SCAF8: variants seen among roughly 807,000 people sequenced by gnomAD.
SCAF8 encodes SR-related and CTD-associated factor 8.
SCAF8 carries 23 observed loss-of-function variants against 140.5 expected under a neutral mutation model. The observed-to-expected ratio is 0.16, with a 90% CI of 0.12 to 0.23. The LOEUF (loss-of-function observed/expected upper bound fraction) is 0.23, where lower values mean the gene tolerates loss of function less well. Ranked by LOEUF, SCAF8 falls within the 10% of genes least tolerant of loss-of-function variation. The probability of loss-of-function intolerance (pLI) is 1.00; values close to 1 mark genes in which losing one functional copy is unlikely to be tolerated. For missense variants in SCAF8, 1,397 were observed against 1,555.7 expected (o/e 0.90, Z 1.72); for synonymous variants, 575 against 528.9 (o/e 1.09, Z -1.20).
intron 1 of SCAF8, among the ~76,000 whole-genome samples, chr6:154,738,194 T>G (rs1482364772): frequency 2.1e-5 from 3 of 145,514 alleles, no homozygotes; most frequent in Non-Finnish European, 4.5e-5. Flanking sequence ...AGACTCTGCT[T>G]CAAAAAAAAA....
chr6:154,743,441 G>A (rs1176436205), intron 1 of SCAF8, among the ~76,000 whole-genome samples: 10 of 152,182 alleles, frequency 6.6e-5, no homozygotes, highest in Non-Finnish European at 1.3e-4. Context: ...CTATTCTTAA[G>A]TGGAGACCAA....
chr6:154,819,043 T>C (rs1274902159), intron 14 of SCAF8, among the ~76,000 whole-genome samples: 2 of 151,722 alleles, frequency 1.3e-5, no homozygotes, highest in Non-Finnish European at 2.9e-5. Context: ...AGATTATCTA[T>C]CAGAATATTT....
intron 1 of SCAF8, among the ~76,000 whole-genome samples, chr6:154,746,416 T>A (rs1172989907): frequency 6.6e-6 from 1 of 152,214 alleles, no homozygotes; most frequent in Non-Finnish European, 1.5e-5. Flanking sequence ...AAATTATATA[T>A]ATACATACAT....
rs571961102 is a variant in SCAF8, at chr6:154,752,429, T to G, written c.30+18499T>G. ...TTGAATATTTAAAAAAATCTAATGA[T>G]TTTATAAAGTATTTGGAAAGCTAAA... On this transcript the variant is annotated intron_variant, in intron 1 of 19. Coordinates refer to ENST00000367178, the MANE Select transcript of SCAF8 (RefSeq NM_014892.5). 3.6e-4 allele frequency among the ~76,000 whole-genome samples: 55 copies of G among 152,278 alleles called. 1 individual carries two copies. In the South Asian group the frequency reaches 0.01, roughly 28 times the overall value.
intron 1 of SCAF8, among the ~76,000 whole-genome samples, chr6:154,770,582 GA>G (rs559849102): frequency 0.017 from 2,487 of 146,940 alleles, 27 homozygotes; most frequent in Non-Finnish European, 0.023. Flanking sequence ...TGAAGAAGGA[GA>G]AAAAAAAAAA....
chr6:154,811,339 G>A (rs540229980), intron 12 of SCAF8, among the ~76,000 whole-genome samples: 26 of 150,762 alleles, frequency 1.7e-4, no homozygotes, highest in African/African-American at 6.1e-4. Flanking sequence ...ATATGGAGTC[G>A]CTCTCATTTA....
At chr6:154,827,360 T>C (rs1437287255) in intron 18 of SCAF8, 120 bp downstream of exon 18, 6 of 668,470 alleles carry the variant, frequency 9.0e-6, no homozygotes, top group African/African-American at 3.8e-5. Context: ...GACAAATGCA[T>C]GTTAGATAAT....
rs772112576 is a variant in SCAF8 at position 154,788,034 on chromosome 6, G to C, written c.321+12G>C. ...CTGGGGATGACAAGGTATGCTACTG[G>C]TTTTTTTTTTTTGTTTTTTTAAAAG... On this transcript the variant is annotated intron_variant, in intron 4 of 19. Coordinates refer to ENST00000367178, the MANE Select transcript of SCAF8 (RefSeq NM_014892.5). 1 of 799,366 alleles carries C rather than the reference G, an allele frequency of 1.3e-6. No homozygotes were observed. The highest frequency in any genetic ancestry group is 3.3e-5 in the Admixed American group (1 of 30,210). 49.5% of individuals were successfully genotyped at this position (799,366 alleles called of 1,614,324 possible).
intron 7 of SCAF8, among the ~76,000 whole-genome samples, chr6:154,802,572 G>C (rs1361631758): frequency 1.3e-5 from 2 of 151,868 alleles, no homozygotes; most frequent in Non-Finnish European, 2.9e-5. Context: ...AGCCAAGATT[G>C]AGCAACTGTT....
chr6:154,775,720 C>T (rs372712276), intron 2 of SCAF8, among the ~76,000 whole-genome samples: 5 of 151,790 alleles, frequency 3.3e-5, no homozygotes, highest in East Asian at 3.9e-4. Flanking sequence ...GCCTGGGCAA[C>T]GCAGTAAGAT....
chr6:154,823,907 T>A (rs9384242), intron 16 of SCAF8, among the ~76,000 whole-genome samples: 7,676 of 152,250 alleles, frequency 0.05, 548 homozygotes, highest in African/African-American at 0.16. Flanking sequence ...CTAATGGTGG[T>A]TAGGTTGCAT....
rs1290616577 is a variant in SCAF8, at chr6:154,784,018, G to A, written c.160-3843G>A. 2.6e-5 allele frequency among the ~76,000 whole-genome samples: 4 copies of A among 151,800 alleles called. No homozygotes were observed. In the East Asian group the frequency reaches 7.8e-4, roughly 29 times the overall value. The stretch of plus-strand genomic sequence containing the variant: ...CAAAGCAGAGGTTGCAGTGAGCCGA[G>A]ATCATGCCACTGCACTCCAGCCTGG... On this transcript the variant is annotated intron_variant, in intron 3 of 19. Transcript: ENST00000367178.
At chr6:154,816,737 C>T (rs770143980) in intron 13 of SCAF8, among the ~76,000 whole-genome samples, 3 of 152,106 alleles carry the variant, frequency 2.0e-5, no homozygotes, top group Admixed American at 6.6e-5. Context: ...AGTCTTAGTT[C>T]CCAGTCTTCC....
intron 11 of SCAF8, 93 bp from the exon 12 acceptor site, chr6:154,809,922 C>G: frequency 9.5e-7 from 1 of 1,049,992 alleles, no homozygotes; most frequent in Non-Finnish European, 1.4e-6. Flanking sequence ...TATAAGACAA[C>G]TTTTTTGTTA....
intron 3 of SCAF8, among the ~76,000 whole-genome samples, chr6:154,785,425 A>G (rs1583032823): frequency 6.6e-6 from 1 of 152,182 alleles, no homozygotes; most frequent in African/African-American, 2.4e-5. Flanking sequence ...TTAGTTTTAT[A>G]ATGATTGTAC....
chr6:154,768,225 A>G (rs1299680931), intron 1 of SCAF8, among the ~76,000 whole-genome samples: 2 of 152,174 alleles, frequency 1.3e-5, no homozygotes, highest in Non-Finnish European at 2.9e-5. Context: ...TACTATACAT[A>G]TCAAGCAAGT....
Position 154,826,001 on chromosome 6 carries a change from TATAAG to T in SCAF8, c.2072-1169_2072-1165del, listed in dbSNP as rs539599924. 8.3e-4 allele frequency among the ~76,000 whole-genome samples: 127 copies of T among 152,292 alleles called. 1 individual carries two copies. Among genetic ancestry groups the T allele is most frequent in the African/African-American group, 2.9e-3 (122 of 41,560 alleles). ...TTGAATTCATGAATTATTTGCATAT[TATAAG>T]AGAAGAAATACGGTATGTTGACTTC... On this transcript the variant is annotated intron_variant, in intron 17 of 19. Coordinates refer to ENST00000367178, the MANE Select transcript of SCAF8 (RefSeq NM_014892.5).
chr6:154,796,824 T>C (rs571582872), intron 6 of SCAF8, among the ~76,000 whole-genome samples: 8 of 152,126 alleles, frequency 5.3e-5, no homozygotes, highest in South Asian at 2.1e-4. Context: ...ACACAAAAAT[T>C]AGCTAGGCAG....
Position 154,756,494 on chromosome 6 carries a change from C to T in SCAF8, c.31-17495C>T, listed in dbSNP as rs541491627. Among the ~76,000 whole-genome samples the T allele has an allele frequency of 1.5e-4, 23 of 152,254 alleles. No individual in the cohort carries two copies. In the Middle Eastern group the frequency reaches 0.01, roughly 68 times the overall value. ...ATAGTGCTGGTGTTCAGTAGTTAGACGAATGTTGGCTTGGCCTGTTTACCA... is the reference window on the plus strand; with the variant it reads ...ATAGTGCTGGTGTTCAGTAGTTAGATGAATGTTGGCTTGGCCTGTTTACCA... On this transcript the variant is annotated intron_variant, in intron 1 of 19. Coordinates refer to ENST00000367178, the MANE Select transcript of SCAF8 (RefSeq NM_014892.5).
Sources: allele counts gnomAD v4.1 joint callset (sites outside exome capture counted in the v4.1 genomes callset), GRCh38; gene constraint gnomAD v4.1.1; transcripts MANE v1.5; gene names NCBI Gene and HGNC (gene_info 2026-07-23, HGNC 2026-07-21).